BTBD9: variants seen among roughly 807,000 people sequenced by gnomAD.
The protein encoded by BTBD9 is BTB/POZ domain-containing protein 9.
Under a neutral mutation model 64.3 loss-of-function variants are expected in BTBD9, and 49 were observed. That is an observed-to-expected ratio of 0.76 (90% CI 0.61 to 0.97). The LOEUF is 0.97. Among genes scored for constraint, BTBD9 ranks in the 50% least tolerant of loss-of-function variants. BTBD9 has a pLI of 0.00. For synonymous variants in BTBD9, 260 were observed against 274.7 expected (o/e 0.95, Z 0.53); for missense variants, 598 against 762.1 (o/e 0.78, Z 2.53).
At chr6:38,239,161 G>A (rs183802607) in intron 9 of BTBD9, among the ~76,000 whole-genome samples, 145 of 152,190 alleles carry the variant, frequency 9.5e-4, no homozygotes, top group Admixed American at 6.9e-3. Flanking sequence ...GGCCAGGAGC[G>A]GTGGCTCATG....
intron 9 of BTBD9, among the ~76,000 whole-genome samples, chr6:38,222,410 G>A (rs538683167): frequency 5.9e-5 from 9 of 151,606 alleles, no homozygotes; most frequent in Admixed American, 4.6e-4. Flanking sequence ...ACAGGTGCCC[G>A]CCACCATGCC....
intron 6 of BTBD9, among the ~76,000 whole-genome samples, chr6:38,552,754 G>GAAAAAAAAAAAAA (rs201496890): frequency 9.2e-6 from 1 of 108,812 alleles, no homozygotes; most frequent in Non-Finnish European, 2.0e-5. Context: ...AAAAGAAAAA[G>GAAAAAAAAAAAAA]AAAAAAAAAA....
At chr6:38,591,705 AAG>A in intron 4 of BTBD9, among the ~76,000 whole-genome samples, 1 of 152,166 alleles carries the variant, frequency 6.6e-6, no homozygotes, top group East Asian at 1.9e-4. Context: ...ATATACCTCA[AAG>A]AGTTGTGAGA....
intron 6 of BTBD9, among the ~76,000 whole-genome samples, chr6:38,466,243 C>T (rs1423149472): frequency 7.2e-6 from 1 of 138,100 alleles, no homozygotes; most frequent in Admixed American, 7.3e-5. Context: ...GTCAGAATTT[C>T]TAAAGTTGAC....
chr6:38,393,305 T>A (rs1162611875), intron 6 of BTBD9, among the ~76,000 whole-genome samples: 1 of 152,218 alleles, frequency 6.6e-6, no homozygotes, highest in Admixed American at 6.5e-5. Context: ...GTTCTGCATA[T>A]TCTGAGGGGA....
chr6:38,323,875 G>C lies in BTBD9; in HGVS notation c.1264+21109C>G, dbSNP rs1173779366. Reference sequence around the variant, plus strand: ...GCACTTTAGGAGGCCAAGGTGGGAGGCTGCTGGAGCCCAGGAGTTCAAGAC... The same window carrying C: ...GCACTTTAGGAGGCCAAGGTGGGAGCCTGCTGGAGCCCAGGAGTTCAAGAC... On this transcript the variant is annotated intron_variant, in intron 7 of 10. Transcript: ENST00000481247. 3.3e-5 allele frequency among the ~76,000 whole-genome samples: 5 copies of C among 152,158 alleles called. No homozygotes were observed. In the East Asian group the frequency reaches 9.6e-4, roughly 29 times the overall value.
At chr6:38,514,876 G>C (rs1333593757) in intron 6 of BTBD9, among the ~76,000 whole-genome samples, 1 of 152,158 alleles carries the variant, frequency 6.6e-6, no homozygotes, top group Non-Finnish European at 1.5e-5. Flanking sequence ...AACAAAGAAA[G>C]AATTTTTACA....
At chr6:38,518,257 T>G (rs1235207445) in intron 6 of BTBD9, among the ~76,000 whole-genome samples, 1 of 152,206 alleles carries the variant, frequency 6.6e-6, no homozygotes, top group Non-Finnish European at 1.5e-5. Flanking sequence ...CTATAGAATT[T>G]TCTTACTAAT....
At chr6:38,573,425 T>C (rs1775870687) in intron 6 of BTBD9, among the ~76,000 whole-genome samples, 1 of 152,202 alleles carries the variant, frequency 6.6e-6, no homozygotes, top group Non-Finnish European at 1.5e-5. Flanking sequence ...TCATCTCTCC[T>C]ATGCCAGACT....
At chr6:38,347,396 A>G (rs1375518603) in intron 6 of BTBD9, among the ~76,000 whole-genome samples, 3 of 152,206 alleles carry the variant, frequency 2.0e-5, no homozygotes, top group Admixed American at 6.5e-5. Context: ...GCAATTCACC[A>G]TTATATCTCA....
intron 7 of BTBD9, among the ~76,000 whole-genome samples, chr6:38,295,831 T>A (rs1014595443): frequency 2.0e-5 from 3 of 152,152 alleles, no homozygotes; most frequent in Non-Finnish European, 4.4e-5. Context: ...GGCGGAGCAC[T>A]TGAGGCCAGG....
At position 38,248,913 on chromosome 6, in the gene BTBD9, G is replaced by A. The variant is rs530361407; in HGVS notation, c.1562+7496C>T. Among the ~76,000 whole-genome samples, 111 of 152,278 alleles carry A rather than the reference G, an allele frequency of 7.3e-4. 3 individuals are homozygous for A. In the South Asian group the frequency reaches 0.02, roughly 27 times the overall value. On this transcript the variant is annotated intron_variant, in intron 9 of 10. Transcript: ENST00000481247. ...GGAGAACTGGGCAGATTTCCATACCGAAGCAAACTGAGCAGGATGAATGAC... is the reference window on the plus strand; with the variant it reads ...GGAGAACTGGGCAGATTTCCATACCAAAGCAAACTGAGCAGGATGAATGAC...
intron 4 of BTBD9, chr6:38,587,689 G>T: frequency 1.6e-6 from 1 of 627,686 alleles, no homozygotes. Flanking sequence ...TCACTTATTG[G>T]ATAGCTTGGA....
intron 1 of BTBD9, among the ~76,000 whole-genome samples, chr6:38,631,276 T>A (rs1295189624): frequency 2.0e-5 from 3 of 152,148 alleles, no homozygotes; most frequent in Non-Finnish European, 4.4e-5. Context: ...GTCAGAAAAA[T>A]TATTGCATGT....
At chr6:38,433,216 A>C (rs4591851) in intron 6 of BTBD9, among the ~76,000 whole-genome samples, 72,198 of 151,504 alleles carry the variant, frequency 0.48, 18,004 homozygotes, top group Middle Eastern at 0.64. Flanking sequence ...TCCCCTTGAG[A>C]TTTTTACTTG....
rs1006743887 is a variant in BTBD9 at position 38,173,988 on chromosome 6, G to A, written c.*997C>T. On this transcript the variant is annotated 3_prime_UTR_variant, in exon 11 of 11. Transcript: ENST00000481247. Reference sequence around the variant, plus strand: ...GAGTACTGTGGTGTGGGGGAAGCACGGAGTCCCAGTTCTGCGTTCCTGACG... The same window carrying A: ...GAGTACTGTGGTGTGGGGGAAGCACAGAGTCCCAGTTCTGCGTTCCTGACG... 2.0e-5 allele frequency: 3 copies of A among 152,240 alleles called. No homozygotes were observed. The highest frequency in any genetic ancestry group is 4.4e-5 in the Non-Finnish European group (3 of 68,054). The allele number at this position is 152,240 out of a possible 1,614,324, so 9.4% of individuals were successfully genotyped here. A position where few individuals can be genotyped will look rare whatever the true frequency, so the allele number is the denominator to read the frequency against.
intron 6 of BTBD9, among the ~76,000 whole-genome samples, chr6:38,509,061 T>C (rs1772666149): frequency 6.6e-6 from 1 of 152,330 alleles, no homozygotes; most frequent in South Asian, 2.1e-4. Flanking sequence ...CTTACTTGTA[T>C]AGCTAATGCA....
chr6:38,188,335 C>T (rs1437844204), intron 10 of BTBD9, among the ~76,000 whole-genome samples: 1 of 152,200 alleles, frequency 6.6e-6, no homozygotes, highest in Non-Finnish European at 1.5e-5. Flanking sequence ...CAACTTTTGC[C>T]AAACTGCCCA....
chr6:38,438,923 T>A (rs1768886077), intron 6 of BTBD9, among the ~76,000 whole-genome samples: 1 of 151,940 alleles, frequency 6.6e-6, no homozygotes, highest in Non-Finnish European at 1.5e-5. Context: ...CATGAAGATA[T>A]CTGAAGAAAA....
Sources: gnomAD v4.1 joint callset for allele counts (sites outside exome capture counted in the v4.1 genomes callset) on GRCh38, gnomAD v4.1.1 for gene constraint, MANE v1.5 for transcripts, NCBI Gene and HGNC (gene_info 2026-07-23, HGNC 2026-07-21) for gene names.